The following AIM2 variants were observed in gnomAD, a reference collection of about 807,000 sequenced individuals.
The protein encoded by AIM2 is interferon-inducible protein AIM2.
A neutral mutation model predicts 27.7 loss-of-function variants in AIM2; 30 were observed. The ratio of observed to expected loss-of-function variants is 1.08; its 90% CI spans 0.81 to 1.47. The LOEUF (loss-of-function observed/expected upper bound fraction) is 1.47. Ranked by LOEUF, AIM2 falls within the 40% of genes most tolerant of loss-of-function variation. AIM2 has a pLI of 0.00. For missense variants in AIM2, 358 were observed against 411.3 expected, an observed-to-expected ratio of 0.87 and a Z score of 1.12; for synonymous variants, 141 against 145.3, an observed-to-expected ratio of 0.97 and a Z score of 0.21.
At chr1:159,095,387 G>A (rs933624760) in intron 1 of AIM2, among the ~76,000 whole-genome samples, 2 of 152,164 alleles carry the variant, frequency 1.3e-5, no homozygotes, top group Non-Finnish European at 2.9e-5. Flanking sequence ...ATTTGGTAGT[G>A]GTTGCATGTA....
upstream of AIM2, among the ~76,000 whole-genome samples, chr1:159,077,763 G>A (rs1303968741): frequency 1.3e-5 from 2 of 152,136 alleles, no homozygotes; most frequent in Non-Finnish European, 2.9e-5. Flanking sequence ...TTCAGAGCTT[G>A]AGGGCTTGAT....
chr1:159,068,057 T>A (rs542685889), intron 3 of AIM2, among the ~76,000 whole-genome samples: 158 of 151,970 alleles, frequency 1.0e-3, no homozygotes, highest in Non-Finnish European at 1.9e-3. Flanking sequence ...CCAGACCGAG[T>A]GTCAGAGTCT....
intron 1 of AIM2, among the ~76,000 whole-genome samples, chr1:159,129,690 A>T (rs982669932): frequency 2.0e-5 from 3 of 152,214 alleles, no homozygotes; most frequent in Non-Finnish European, 4.4e-5. Flanking sequence ...ACTGAATAAG[A>T]GGGGAACAAC....
chr1:159,135,215 C>T (rs1647991399), intron 1 of AIM2, among the ~76,000 whole-genome samples: 1 of 152,224 alleles, frequency 6.6e-6, no homozygotes, highest in African/African-American at 2.4e-5. Context: ...TCATTCAACT[C>T]TGTCAGTTTT....
At chr1:159,107,306 ATGTGTGTGTGTG>A (rs72077036) in intron 1 of AIM2, among the ~76,000 whole-genome samples, 1 of 147,876 alleles carries the variant, frequency 6.8e-6, no homozygotes, top group Non-Finnish European at 1.5e-5. Flanking sequence ...ACATGTGTGT[ATGTGTGTGTGTG>A]TGTGTGTGTG....
At chr1:159,081,469 C>G, upstream of AIM2, 1 of 502,296 alleles carries the variant, frequency 2.0e-6, no homozygotes, top group Non-Finnish European at 4.1e-6. Flanking sequence ...CACATCCAAT[C>G]TGGGAAATGC....
At chr1:159,078,377 A>T (rs923896656), upstream of AIM2, among the ~76,000 whole-genome samples, 1 of 152,234 alleles carries the variant, frequency 6.6e-6, no homozygotes, top group Non-Finnish European at 1.5e-5. Context: ...TGAATGCATG[A>T]ATGAGTGGAT....
At chr1:159,130,058 G>A (rs1246388718) in intron 1 of AIM2, among the ~76,000 whole-genome samples, 1 of 152,136 alleles carries the variant, frequency 6.6e-6, no homozygotes, top group Non-Finnish European at 1.5e-5. Context: ...GGAAACGTCG[G>A]CCCTTATCAG....
intron 1 of AIM2, among the ~76,000 whole-genome samples, chr1:159,111,056 G>T (rs1657562946): frequency 6.6e-6 from 1 of 152,068 alleles, no homozygotes; most frequent in South Asian, 2.1e-4. Context: ...CTAGTATTTA[G>T]CATCTACAAT....
intron 1 of AIM2, among the ~76,000 whole-genome samples, chr1:159,127,163 A>T (rs753814021): frequency 8.5e-5 from 13 of 152,250 alleles, no homozygotes; most frequent in Non-Finnish European, 1.5e-4. Context: ...GAGTCTTCAA[A>T]GAACTAGTGA....
At chr1:159,089,888 A>G (rs1180250494) in intron 1 of AIM2, among the ~76,000 whole-genome samples, 1 of 152,194 alleles carries the variant, frequency 6.6e-6, no homozygotes, top group African/African-American at 2.4e-5. Flanking sequence ...AGACCCTTCA[A>G]CCAGACAACC....
chr1:159,093,422 C>A (rs1657093171), intron 1 of AIM2, among the ~76,000 whole-genome samples: 1 of 152,226 alleles, frequency 6.6e-6, no homozygotes, highest in African/African-American at 2.4e-5. Flanking sequence ...TAGGGAGATA[C>A]AACTTGTTTG....
chr1:159,106,350 C>A (rs1657447126), intron 1 of AIM2, among the ~76,000 whole-genome samples: 1 of 152,220 alleles, frequency 6.6e-6, no homozygotes, highest in Admixed American at 6.5e-5. Context: ...ACAGTGGCTG[C>A]TCTAGACAGG....
chr1:159,108,999 A>T (rs1209703315), intron 1 of AIM2, among the ~76,000 whole-genome samples: 3 of 152,174 alleles, frequency 2.0e-5, no homozygotes, highest in South Asian at 2.1e-4. Context: ...ATCAATTCCC[A>T]TTCAAATACC....
intron 1 of AIM2, among the ~76,000 whole-genome samples, chr1:159,100,629 TC>T (rs1249589427): frequency 6.6e-6 from 1 of 152,230 alleles, no homozygotes; most frequent in African/African-American, 2.4e-5. Flanking sequence ...TCTATAATGT[TC>T]CTTTACAACA....
downstream of AIM2, among the ~76,000 whole-genome samples, chr1:159,058,619 A>G (rs977758230): frequency 6.6e-6 from 1 of 152,172 alleles, no homozygotes; most frequent in African/African-American, 2.4e-5. Context: ...CCCTACCCTC[A>G]GAAGTCTGAG....
At chr1:159,085,889 TAA>T (rs1204744188) in intron 1 of AIM2, among the ~76,000 whole-genome samples, 2 of 152,256 alleles carry the variant, frequency 1.3e-5, no homozygotes, top group African/African-American at 4.8e-5. Context: ...TGAGTATCGC[TAA>T]GAGAGTAGAT....
intron 2 of AIM2, among the ~76,000 whole-genome samples, chr1:159,070,253 TG>T (rs1387393583): frequency 1.3e-5 from 2 of 152,258 alleles, no homozygotes; most frequent in Non-Finnish European, 2.9e-5. Flanking sequence ...GTACAAAATT[TG>T]GATTTGTTTT....
upstream of AIM2, among the ~76,000 whole-genome samples, chr1:159,144,945 C>G (rs563678317): frequency 8.5e-5 from 13 of 152,236 alleles, no homozygotes; most frequent in African/African-American, 2.9e-4. Flanking sequence ...GATAGCACAG[C>G]CCTTACATAC....
Sources: allele counts gnomAD v4.1 joint callset (sites outside exome capture counted in the v4.1 genomes callset), GRCh38; gene constraint gnomAD v4.1.1; transcripts MANE v1.5; gene names NCBI Gene and HGNC (gene_info 2026-07-23, HGNC 2026-07-21).